Variants in MSI2 observed in about 807,000 individuals in gnomAD.
The protein encoded by MSI2 is RNA-binding protein Musashi homolog 2.
A neutral mutation model predicts 45.6 loss-of-function variants in MSI2; 17 were observed. The ratio of observed to expected loss-of-function variants is 0.37; its 90% CI spans 0.26 to 0.56. The LOEUF is 0.56. MSI2 is among the 20% of genes least tolerant of loss of function. MSI2 has a pLI of 0.77. For synonymous variants in MSI2, 156 were observed against 158.2 expected (o/e 0.99, Z 0.11); for missense variants, 293 against 444.2 (o/e 0.66, Z 3.06).
chr17:57,608,494 C>T (rs1349989670), intron 8 of MSI2: 1 of 152,430 alleles, frequency 6.6e-6, no homozygotes, highest in East Asian at 1.9e-4. Context: ...TCCACCCCCT[C>T]TCCTTGTTAC....
At chr17:57,659,137 G>A (rs1033362220) in intron 11 of MSI2, among the ~76,000 whole-genome samples, 2 of 152,098 alleles carry the variant, frequency 1.3e-5, no homozygotes, top group East Asian at 1.9e-4. Flanking sequence ...GGAATGAAGT[G>A]CAGTCTTGAA....
intron 5 of MSI2, among the ~76,000 whole-genome samples, chr17:57,371,224 T>C (rs2083415622): frequency 6.6e-6 from 1 of 152,224 alleles, no homozygotes; most frequent in Admixed American, 6.5e-5. Context: ...AAGGTTGTAA[T>C]GTTTATTCCA....
intron 6 of MSI2, among the ~76,000 whole-genome samples, chr17:57,413,119 G>A (rs1422821081): frequency 1.3e-5 from 2 of 152,122 alleles, no homozygotes; most frequent in Admixed American, 1.3e-4. Flanking sequence ...CTTTAGTCCT[G>A]TCTAGCAGTA....
chr17:57,401,003 G>A (rs537742401), intron 5 of MSI2, among the ~76,000 whole-genome samples: 1 of 152,314 alleles, frequency 6.6e-6, no homozygotes, highest in Non-Finnish European at 1.5e-5. Context: ...AGGTTTTGTG[G>A]ATGGTTTCTG....
In MSI2 at chr17:57,683,675, A is replaced by ACTT. The variant is rs1913747076; in HGVS notation, c.*4158_*4159insCTT. ...GTGGGGGGCTGGTGGGGGAGGGGAGATTTTTTTTTTTTTTTCTTGAATGTG... is the reference window on the plus strand; with the variant it reads ...GTGGGGGGCTGGTGGGGGAGGGGAGACTTTTTTTTTTTTTTTTTCTTGAATGTG... On this transcript the variant is annotated 3_prime_UTR_variant, in exon 14 of 14. Coordinates refer to ENST00000284073, the MANE Select transcript of MSI2 (RefSeq NM_138962.4). This position sits in a 1 kb window ranked among gnomAD's most constrained non-coding sequence, Gnocchi z 5.2. The ACTT allele has an allele frequency of 1.1e-5, 2 of 188,842 alleles. No individual in the cohort carries two copies. The highest frequency in any genetic ancestry group is 1.8e-4 in the East Asian group (2 of 11,316). The allele number at this position is 188,842 out of a possible 1,614,324, so 11.7% of individuals were successfully genotyped here.
intron 5 of MSI2, among the ~76,000 whole-genome samples, chr17:57,367,695 C>A (rs1271436780): frequency 2.0e-5 from 3 of 152,194 alleles, no homozygotes; most frequent in Non-Finnish European, 1.5e-5. Context: ...ACCCTTAATT[C>A]TCCAGGGAGA....
At position 57,683,598 on chromosome 17, in the gene MSI2, A is replaced by T. The variant is rs1913740627; in HGVS notation, c.*4081A>T. ...TGAAATTGTTTACAAAAGAAACACT[A>T]ACTCATACTTCTCTTTATTGGTTGC... On this transcript the variant is annotated 3_prime_UTR_variant, in exon 14 of 14. Transcript: ENST00000284073. The surrounding 1 kb of genome is among the most constrained non-coding windows in gnomAD (Gnocchi z 5.2). The T allele has an allele frequency of 8.6e-6, 2 of 231,834 alleles. No individual in the cohort carries two copies. Among genetic ancestry groups the T allele is most frequent in the Non-Finnish European group, 1.7e-5 (2 of 117,172 alleles). The allele number at this position is 231,834 out of a possible 1,614,324, so 14.4% of individuals were successfully genotyped here. A position where few individuals can be genotyped will look rare whatever the true frequency, so the allele number is the denominator to read the frequency against.
intron 5 of MSI2, among the ~76,000 whole-genome samples, chr17:57,385,713 A>T (rs112108145): frequency 2.4e-4 from 36 of 152,322 alleles, no homozygotes; most frequent in African/African-American, 8.2e-4. Context: ...CTAGCCAAGC[A>T]TCTCCTCTTT....
intron 10 of MSI2, chr17:57,632,236 G>C: frequency 4.6e-6 from 5 of 1,093,616 alleles, no homozygotes; most frequent in Non-Finnish European, 5.6e-6. Flanking sequence ...AAGTGCTGGT[G>C]GTCCAGAGGG....
At chr17:57,275,543 C>T (rs12946739) in intron 5 of MSI2, among the ~76,000 whole-genome samples, 3,490 of 152,296 alleles carry the variant, frequency 0.023, 64 homozygotes, top group Non-Finnish European at 0.035. Context: ...GAGATGCTGA[C>T]GCTCAGACCT....
Position 57,684,166 on chromosome 17 carries a change from A to C in MSI2, c.*4649A>C. 1 of 215,754 alleles carries C rather than the reference A, an allele frequency of 4.6e-6. No individual in the cohort carries two copies. Among genetic ancestry groups the C allele is most frequent in the Non-Finnish European group, 9.4e-6 (1 of 106,794 alleles). The allele number at this position is 215,754 out of a possible 1,614,324, so 13.4% of individuals were successfully genotyped here. ...CCAGAGCCTCCCTCGAAGGTTCTCT[A>C]CTACTGTATTCTGTACATAATGTAC... On this transcript the variant is annotated 3_prime_UTR_variant, in exon 14 of 14. Coordinates refer to ENST00000284073, the MANE Select transcript of MSI2 (RefSeq NM_138962.4).
intron 8 of MSI2, among the ~76,000 whole-genome samples, chr17:57,607,098 A>G (rs934271597): frequency 6.6e-6 from 1 of 152,236 alleles, no homozygotes; most frequent in Non-Finnish European, 1.5e-5. Flanking sequence ...GGGAGTTGAC[A>G]ACCATGGACA....
chr17:57,643,973 G>C (rs1910449480), intron 10 of MSI2, among the ~76,000 whole-genome samples: 1 of 152,192 alleles, frequency 6.6e-6, no homozygotes, highest in African/African-American at 2.4e-5. Flanking sequence ...CGGAGGGACA[G>C]ATGACAGGTT....
intron 8 of MSI2, chr17:57,601,250 C>T (rs1413628333): frequency 6.6e-6 from 1 of 152,252 alleles, no homozygotes; most frequent in African/African-American, 2.4e-5. Flanking sequence ...TCCTCCACTG[C>T]CACAGACACA....
chr17:57,607,284 T>C (rs1370116241), intron 8 of MSI2, among the ~76,000 whole-genome samples: 1 of 152,230 alleles, frequency 6.6e-6, no homozygotes, highest in African/African-American at 2.4e-5. Context: ...ATTATAAATC[T>C]AACAGGTCTC....
intron 5 of MSI2, among the ~76,000 whole-genome samples, chr17:57,376,997 T>C (rs569108627): frequency 6.6e-6 from 1 of 151,482 alleles, no homozygotes; most frequent in East Asian, 2.0e-4. Context: ...CTCGGCTCAC[T>C]GCAAGCTCCG....
chr17:57,536,457 CA>C (rs1678914586), intron 7 of MSI2, among the ~76,000 whole-genome samples: 1 of 152,196 alleles, frequency 6.6e-6, no homozygotes, highest in African/African-American at 2.4e-5. Context: ...GGGCAGCCTG[CA>C]AAAGATTGGC....
At chr17:57,490,914 G>A (rs763159884) in intron 6 of MSI2, among the ~76,000 whole-genome samples, 3 of 152,056 alleles carry the variant, frequency 2.0e-5, no homozygotes, top group Non-Finnish European at 2.9e-5. Flanking sequence ...TCTAGCCAGG[G>A]GCAGCAGCTT....
chr17:57,395,073 G>T (rs985139759), intron 5 of MSI2, among the ~76,000 whole-genome samples: 23 of 152,144 alleles, frequency 1.5e-4, no homozygotes, highest in African/African-American at 5.6e-4. Context: ...GTGGTTGCCC[G>T]CAATTCTTGG....
Sources: gnomAD v4.1 joint callset for allele counts (sites outside exome capture counted in the v4.1 genomes callset) on GRCh38, gnomAD v4.1.1 for gene constraint, Gnocchi (gnomAD v3.1) non-coding constraint, MANE v1.5 for transcripts, NCBI Gene and HGNC (gene_info 2026-07-23, HGNC 2026-07-21) for gene names.